The following TMED10 variants were observed in gnomAD, a reference collection of about 807,000 sequenced individuals.
TMED10 encodes the protein transmembrane emp24 domain-containing protein 10.
TMED10 carries 7 observed loss-of-function variants against 23.1 expected under a neutral mutation model. That is an observed-to-expected ratio of 0.30 (90% CI 0.17 to 0.57). The LOEUF (loss-of-function observed/expected upper bound fraction) is 0.57, where lower values mean the gene tolerates loss of function less well. Among genes scored for constraint, TMED10 ranks in the 20% least tolerant of loss-of-function variants. TMED10 has a pLI of 0.91. For synonymous variants in TMED10, 113 were observed against 106.9 expected (o/e 1.06, Z -0.35); for missense variants, 162 against 274.8 (o/e 0.59, Z 2.90).
At position 75,163,570 on chromosome 14, in the gene TMED10, A is replaced by G. The variant is rs941458505; in HGVS notation, c.226-11427T>C. ...TCCGTATCAAAAAAAAAAAAAAAAA[A>G]AAAAAAAGAACGGAAACAGGAATAG... On this transcript the variant is annotated intron_variant, in intron 1 of 4. Coordinates refer to ENST00000303575, the MANE Select transcript of TMED10 (RefSeq NM_006827.6). Among the ~76,000 whole-genome samples, 5 of 151,480 alleles carry G rather than the reference A, an allele frequency of 3.3e-5. No individual in the cohort carries two copies. In the Middle Eastern group the frequency reaches 0.017, roughly 522 times the overall value.
At position 75,176,567 on chromosome 14, in the gene TMED10, A is replaced by G. The variant is rs1896308880; in HGVS notation, c.13T>C (p.Ser5Pro). MSGL[S>P]GPPARRGPFP... ...GGGCCGCGCCGGGCTGGTGGGCCAG[A>G]CAAACCAGACATGGTGCTGGAGACT... The change falls in exon 1 of 5, where the codon TCT becomes CCT. Residue 5 changes from serine to proline, a missense_variant. Around this residue, in one of 2 missense-constraint regions of TMED10, gnomAD observed 36 missense variants for 35.2 expected, o/e 1.02. Coordinates refer to ENST00000303575, the MANE Select transcript of TMED10 (RefSeq NM_006827.6). The G allele has an allele frequency of 1.2e-5, 19 of 1,614,152 alleles. No individual in the cohort carries two copies. Among genetic ancestry groups the G allele is most frequent in the Admixed American group, 1.7e-5 (1 of 60,022 alleles).
intron 1 of TMED10, among the ~76,000 whole-genome samples, chr14:75,161,741 G>A (rs1896087498): frequency 6.6e-6 from 1 of 151,478 alleles, no homozygotes. Context: ...CACTCCTGCT[G>A]CTCACAGAAT....
At chr14:75,173,834 G>C (rs1896266564) in intron 1 of TMED10, among the ~76,000 whole-genome samples, 1 of 152,170 alleles carries the variant, frequency 6.6e-6, no homozygotes, top group Non-Finnish European at 1.5e-5. Flanking sequence ...AGGTTCTAGT[G>C]ATTCTCCTGC....
In TMED10 at chr14:75,147,746, G is replaced by A. The variant is rs767906614; in HGVS notation, c.338-9C>T. On this transcript the variant is annotated splice_polypyrimidine_tract_variant and intron_variant, in intron 2 of 4. Coordinates refer to ENST00000303575, the MANE Select transcript of TMED10 (RefSeq NM_006827.6). ...AGGTATCCGCCCTGTTCCTGAGAAA[G>A]AAATCAAAGGAATCATTGTGTGAAA... 1.9e-6 allele frequency: 3 copies of A among 1,613,968 alleles called. No homozygotes were observed. Among genetic ancestry groups the A allele is most frequent in the East Asian group, 4.5e-5 (2 of 44,888 alleles).
chr14:75,159,575 T>C (rs1323259611), intron 1 of TMED10, among the ~76,000 whole-genome samples: 1 of 152,226 alleles, frequency 6.6e-6, no homozygotes, highest in Non-Finnish European at 1.5e-5. Flanking sequence ...TCCTCCAAGA[T>C]ATGAACAGTG....
intron 3 of TMED10, chr14:75,137,057 C>T (rs564852566): frequency 6.7e-6 from 1 of 149,996 alleles, no homozygotes; most frequent in East Asian, 2.0e-4. Context: ...TCTTGCCAGG[C>T]TAGAGTGCAG....
At chr14:75,174,314 C>A (rs1896272587) in intron 1 of TMED10, among the ~76,000 whole-genome samples, 1 of 152,106 alleles carries the variant, frequency 6.6e-6, no homozygotes, top group Admixed American at 6.6e-5. Flanking sequence ...AGTGACCACA[C>A]GTATAGCTCA....
At chr14:75,163,116 C>T (rs989666542) in intron 1 of TMED10, among the ~76,000 whole-genome samples, 3 of 151,778 alleles carry the variant, frequency 2.0e-5, no homozygotes, top group Non-Finnish European at 4.4e-5. Context: ...GTGGTGCATA[C>T]CTGTGGTCCC....
chr14:75,173,583 ATATTACC>A (rs1476657867), intron 1 of TMED10, among the ~76,000 whole-genome samples: 4 of 152,104 alleles, frequency 2.6e-5, no homozygotes, highest in African/African-American at 9.6e-5. Context: ...TTATTCAATG[ATATTACC>A]TATTTGGCAT....
At chr14:75,159,818 C>G (rs1029587539) in intron 1 of TMED10, among the ~76,000 whole-genome samples, 3 of 152,180 alleles carry the variant, frequency 2.0e-5, no homozygotes, top group Non-Finnish European at 4.4e-5. Flanking sequence ...TACTGAGGAA[C>G]TGCAATCACA....
At chr14:75,135,535 G>C in intron 4 of TMED10, 2 of 525,678 alleles carry the variant, frequency 3.8e-6, no homozygotes, top group Non-Finnish European at 6.6e-6. Flanking sequence ...TGTGGGTATA[G>C]ACTAATTGAG....
At chr14:75,135,494 A>G (rs2139829162) in intron 4 of TMED10, among the ~76,000 whole-genome samples, 1 of 152,274 alleles carries the variant, frequency 6.6e-6, no homozygotes, top group Non-Finnish European at 1.5e-5. Context: ...ATAAATGTTG[A>G]AAATTACAAA....
chr14:75,149,210 C>T (rs1422605536), intron 2 of TMED10, among the ~76,000 whole-genome samples: 3 of 152,236 alleles, frequency 2.0e-5, no homozygotes, highest in Non-Finnish European at 4.4e-5. Context: ...AGCCACTGTG[C>T]CTGGCGGAGA....
At chr14:75,149,160 T>A (rs1895924504) in intron 2 of TMED10, among the ~76,000 whole-genome samples, 1 of 152,346 alleles carries the variant, frequency 6.6e-6, no homozygotes, top group South Asian at 2.1e-4. Flanking sequence ...CAAGCGATCC[T>A]CCTGCCTCAG....
At chr14:75,155,517 A>C (rs1434633392) in intron 1 of TMED10, among the ~76,000 whole-genome samples, 1 of 152,256 alleles carries the variant, frequency 6.6e-6, no homozygotes, top group Non-Finnish European at 1.5e-5. Context: ...TATTCACTTC[A>C]CAATGTGTAT....
intron 1 of TMED10, among the ~76,000 whole-genome samples, chr14:75,172,577 G>C (rs917145694): frequency 6.6e-6 from 1 of 152,088 alleles, no homozygotes; most frequent in Admixed American, 6.6e-5. Flanking sequence ...CAAAGTGCTG[G>C]GATTACAGGC....
intron 1 of TMED10, 99 bp downstream of exon 1, chr14:75,176,256 A>G: frequency 6.9e-7 from 1 of 1,454,930 alleles, no homozygotes; most frequent in Non-Finnish European, 9.4e-7. Flanking sequence ...GGCCAGAACA[A>G]CTCCCAGGCC....
Position 75,134,939 on chromosome 14 carries a change from G to A in TMED10, c.606C>T (p.Thr202=). The part of the protein sequence containing the change: ...FSMFCLIGLA[T]WQVFYLRRFF... The stretch of plus-strand genomic sequence containing the variant: ...AGCGTCGCAGGTAGAAGACCTGCCA[G>A]GTAGCTAGTCCAATGAGACAGAACA... The change falls in exon 5 of 5, where the codon ACC becomes ACT. Residue 202 remains threonine, a synonymous_variant. Transcript: ENST00000303575. 6.2e-7 allele frequency: 1 copy of A among 1,614,032 alleles called. No homozygotes were observed. Among genetic ancestry groups the A allele is most frequent in the Non-Finnish European group, 8.5e-7 (1 of 1,179,952 alleles).
At position 75,147,664 on chromosome 14, in the gene TMED10, C is replaced by G. The variant is rs1895903768; in HGVS notation, c.411G>C (p.Glu137Asp). ...KHGVEAKNYE[E>D]IAKVEKLKPL... ...CTCTGGCTGTTAGAGCAGGACATAC[C>G]TCTTCGTAATTTTTCGCCTCCACTC... The change falls in exon 3 of 5, where the codon GAG becomes GAC. Residue 137 changes from glutamate (E) to aspartate (D), a missense_variant and splice_region_variant. Transcript: ENST00000303575. 6.2e-7 allele frequency: 1 copy of G among 1,613,988 alleles called. No homozygotes were observed. Among genetic ancestry groups the G allele is most frequent in the African/African-American group, 1.3e-5 (1 of 74,910 alleles).
Sources: gnomAD v4.1 joint callset for allele counts (sites outside exome capture counted in the v4.1 genomes callset) on GRCh38, gnomAD v4.1.1 for gene constraint, gnomAD v4.1.1 regional missense constraint, MANE v1.5 for transcripts, NCBI Gene and HGNC (gene_info 2026-07-23, HGNC 2026-07-21) for gene names.